Variants in PDE4D observed in about 807,000 individuals in gnomAD.
PDE4D encodes 3',5'-cyclic-AMP phosphodiesterase 4D.
Under a neutral mutation model 87.4 loss-of-function variants are expected in PDE4D, and 24 were observed. That is an observed-to-expected ratio of 0.27 (90% confidence interval 0.20 to 0.39). The LOEUF (loss-of-function observed/expected upper bound fraction) is 0.39. PDE4D is among the 10% of genes least tolerant of loss of function. The pLI, the probability that PDE4D is intolerant of heterozygous loss-of-function variation, is 1.00. For missense variants in PDE4D, 714 were observed against 1,041.0 expected, an observed-to-expected ratio of 0.69 and a Z score of 4.32; for synonymous variants, 384 against 383.2, an observed-to-expected ratio of 1.00 and a Z score of -0.02.
intron 1 of PDE4D, among the ~76,000 whole-genome samples, chr5:59,733,162 G>T (rs1426480762): frequency 1.3e-5 from 2 of 152,096 alleles, no homozygotes; most frequent in African/African-American, 4.8e-5. Flanking sequence ...TCAGCATTTA[G>T]AGTTTGAAAT....
intron 3 of PDE4D, among the ~76,000 whole-genome samples, chr5:59,923,589 C>A (rs1394816385): frequency 6.6e-6 from 1 of 152,214 alleles, no homozygotes. Context: ...CCAGAGAATT[C>A]TTCTGGATCT....
At chr5:59,118,277 C>T (rs1423415165) in intron 5 of PDE4D, among the ~76,000 whole-genome samples, 1 of 152,162 alleles carries the variant, frequency 6.6e-6, no homozygotes, top group African/African-American at 2.4e-5. Flanking sequence ...TGACTGAATC[C>T]CTCCTGCCAC....
chr5:59,094,061 T>C (rs1769233848), intron 5 of PDE4D, among the ~76,000 whole-genome samples: 1 of 151,080 alleles, frequency 6.6e-6, no homozygotes, highest in Admixed American at 6.6e-5. Flanking sequence ...CTACTAAAAA[T>C]ACAAAAATTA....
At chr5:59,576,164 T>C (rs192425580) in intron 1 of PDE4D, among the ~76,000 whole-genome samples, 9 of 152,254 alleles carry the variant, frequency 5.9e-5, no homozygotes, top group African/African-American at 1.7e-4. Context: ...AGCACTAGAC[T>C]GGTTTTCTCA....
At chr5:60,041,935 C>T (rs1768555385) in intron 2 of PDE4D, among the ~76,000 whole-genome samples, 1 of 151,160 alleles carries the variant, frequency 6.6e-6, no homozygotes, top group Admixed American at 6.6e-5. Flanking sequence ...CACAGTGGCA[C>T]CTGGAAGGCC....
At position 59,443,877 on chromosome 5, in the gene PDE4D, G is replaced by GA. The variant is rs529108281; in HGVS notation, c.456-227910dup. ...GATGATAGAAAATAGGTAATGAGGG[G>GA]AAAAAAAATCACAGAATTTCATATG... On this transcript the variant is annotated intron_variant, in intron 1 of 14. Coordinates refer to ENST00000340635, the MANE Select transcript of PDE4D (RefSeq NM_001104631.2). 1.5e-3 allele frequency among the ~76,000 whole-genome samples: 225 copies of GA among 151,008 alleles called. 1 individual carries two copies. The highest frequency in any genetic ancestry group is 4.8e-3 in the African/African-American group (197 of 40,640).
intron 1 of PDE4D, among the ~76,000 whole-genome samples, chr5:60,357,064 G>A (rs116147471): frequency 1.1e-3 from 165 of 152,144 alleles, no homozygotes; most frequent in African/African-American, 4.0e-3. Context: ...AAACAGAGGT[G>A]GAGGAAAGAA....
At chr5:59,425,964 T>C (rs1795143384) in intron 1 of PDE4D, among the ~76,000 whole-genome samples, 1 of 152,176 alleles carries the variant, frequency 6.6e-6, no homozygotes, top group African/African-American at 2.4e-5. Flanking sequence ...TATTTGGAGA[T>C]AGGACCACTA....
rs191058459 is a variant in PDE4D at position 59,559,796 on chromosome 5, T to C, written c.455+333372A>G. Among the ~76,000 whole-genome samples the C allele has an allele frequency of 2.0e-5, 3 of 151,660 alleles. No individual in the cohort carries two copies. The East Asian group carries it at 6.4e-4, about 33-fold the overall frequency. ...CTCAAAAAGAGTTCTTGTGTATTTG[T>C]TGTTGTCTGGAACGACATCATCAAG... is the stretch of plus-strand genomic sequence containing the variant. On this transcript the variant is annotated intron_variant, in intron 1 of 14. Coordinates refer to ENST00000340635, the MANE Select transcript of PDE4D (RefSeq NM_001104631.2).
intron 12 of PDE4D, among the ~76,000 whole-genome samples, 200 bp downstream of exon 12, chr5:58,976,990 AT>A (rs1561215420): frequency 2.0e-5 from 3 of 152,198 alleles, no homozygotes; most frequent in African/African-American, 7.2e-5. Context: ...AGCTGACATT[AT>A]TCTCAAGTCC....
chr5:60,430,018 C>T (rs907212552), intron 1 of PDE4D: 8 of 521,626 alleles, frequency 1.5e-5, no homozygotes, highest in East Asian at 5.4e-5. Context: ...TCTGGACAAC[C>T]GAACATGGAT....
chr5:60,311,302 G>A (rs111250022), intron 1 of PDE4D, among the ~76,000 whole-genome samples: 2,529 of 152,252 alleles, frequency 0.017, 30 homozygotes, highest in Middle Eastern at 0.051. Flanking sequence ...GATTACAGGC[G>A]TGAGCCACCG....
chr5:60,388,303 C>T (rs1232572673), intron 1 of PDE4D, among the ~76,000 whole-genome samples: 2 of 152,064 alleles, frequency 1.3e-5, no homozygotes, highest in Non-Finnish European at 2.9e-5. Flanking sequence ...TTCTTGGCCT[C>T]TCTGTGTAGC....
intron 5 of PDE4D, among the ~76,000 whole-genome samples, chr5:59,165,253 C>G (rs536979626): frequency 5.3e-5 from 8 of 152,208 alleles, no homozygotes; most frequent in Middle Eastern, 3.4e-3. Context: ...GTGAGCCATG[C>G]ATTTTGCTTC....
Position 59,599,780 on chromosome 5 carries a change from G to T in PDE4D, c.455+293388C>A, listed in dbSNP as rs188833306. Among the ~76,000 whole-genome samples the T allele has an allele frequency of 3.7e-3, 566 of 152,272 alleles. 2 individuals carry two copies. Among genetic ancestry groups the T allele is most frequent in the Non-Finnish European group, 5.7e-3 (389 of 68,020 alleles). On this transcript the variant is annotated intron_variant, in intron 1 of 14. Transcript: ENST00000340635. ...AAGTGGGTGGCATTGAGACTGGGTT[G>T]CTCTTCCCCTTCCTTGGCTATCCAG...
chr5:59,449,502 C>A (rs777119745), intron 1 of PDE4D, among the ~76,000 whole-genome samples: 2 of 152,168 alleles, frequency 1.3e-5, no homozygotes, highest in East Asian at 1.9e-4. Context: ...AACCTTGGAG[C>A]CTTTATATGA....
chr5:60,316,018 T>G lies in PDE4D; in HGVS notation c.-89-130331A>C, dbSNP rs184816012. On this transcript the variant is annotated intron_variant, in intron 1 of 16. Coordinates refer to the PDE4D transcript ENST00000502484. ...CTTTAAAGTAGTTTTTTCCAATTCT[T>G]TGAAGAAAGTCATTGGTAGCTTGAT... Among the ~76,000 whole-genome samples the G allele has an allele frequency of 0.012, 1,842 of 152,234 alleles. 61 individuals carry two copies. The East Asian group carries it at 0.13, about 11-fold the overall frequency.
chr5:60,182,435 C>T (rs1784441791), intron 2 of PDE4D, among the ~76,000 whole-genome samples: 1 of 152,320 alleles, frequency 6.6e-6, no homozygotes, highest in South Asian at 2.1e-4. Flanking sequence ...TCACCTGAGA[C>T]CAGCCTGACC....
chr5:59,659,578 C>A (rs1403038262), intron 1 of PDE4D, among the ~76,000 whole-genome samples: 1 of 152,250 alleles, frequency 6.6e-6, no homozygotes. Context: ...GGTAAGAAGT[C>A]TTAAGGACAG....
Sources: allele counts gnomAD v4.1 joint callset (sites outside exome capture counted in the v4.1 genomes callset), GRCh38; gene constraint gnomAD v4.1.1; transcripts MANE v1.5; gene names NCBI Gene and HGNC (gene_info 2026-07-23, HGNC 2026-07-21).